Variants in ALDH1A2 observed in about 807,000 individuals in gnomAD.
ALDH1A2 encodes aldehyde dehydrogenase 1 family member A2.
In ALDH1A2, 27 loss-of-function variants were observed where a neutral mutation model predicts 60.3. That is an observed-to-expected ratio of 0.45 (90% CI 0.33 to 0.62). ALDH1A2 has a LOEUF of 0.62. Among genes scored for constraint, ALDH1A2 ranks in the 20% least tolerant of loss-of-function variants. The probability of loss-of-function intolerance (pLI) is 0.02; values close to 1 mark genes in which losing one functional copy is unlikely to be tolerated. For missense variants in ALDH1A2, 581 were observed against 643.8 expected (o/e 0.90, Z 1.06); for synonymous variants, 289 against 232.4 (o/e 1.24, Z -2.21).
At chr15:58,035,184 C>A (rs1188651710) in intron 1 of ALDH1A2, among the ~76,000 whole-genome samples, 3 of 151,570 alleles carry the variant, frequency 2.0e-5, no homozygotes, top group African/African-American at 7.3e-5. Context: ...TGGTAGAATG[C>A]ATCTTTCAAT....
chr15:58,000,870 T>G (rs1895242687), intron 4 of ALDH1A2, among the ~76,000 whole-genome samples: 1 of 151,574 alleles, frequency 6.6e-6, no homozygotes, highest in African/African-American at 2.4e-5. Flanking sequence ...AGATCAGGAG[T>G]GTAAAGGGGA....
intron 12 of ALDH1A2, among the ~76,000 whole-genome samples, chr15:57,958,262 A>T (rs1168556949): frequency 1.3e-5 from 2 of 150,584 alleles, no homozygotes; most frequent in Non-Finnish European, 3.0e-5. Flanking sequence ...GTATCTAACA[A>T]TGCTTCTCAT....
At chr15:58,026,456 A>C (rs1340595410) in intron 1 of ALDH1A2, among the ~76,000 whole-genome samples, 1 of 152,200 alleles carries the variant, frequency 6.6e-6, no homozygotes, top group African/African-American at 2.4e-5. Flanking sequence ...AGGTGAACAC[A>C]GAAGACAGGT....
At chr15:57,960,717 T>TGCTGATATTTGCAATCTATTTCTCTGCAG in intron 12 of ALDH1A2, 53 bp downstream of exon 12, 2 of 1,464,218 alleles carry the variant, frequency 1.4e-6, no homozygotes, top group Non-Finnish European at 1.9e-6. Context: ...TACTGCTCTG[T>TGCTGATATTTGCAATCTATTTCTCTGCAG]GCTGATATTT....
chr15:58,049,767 A>C (rs1187529650), intron 1 of ALDH1A2, among the ~76,000 whole-genome samples: 2 of 152,112 alleles, frequency 1.3e-5, no homozygotes, highest in African/African-American at 4.8e-5. Context: ...AGAGGGTCTG[A>C]ACAGCGGTGT....
At chr15:57,981,198 A>G (rs1210079522) in intron 7 of ALDH1A2, among the ~76,000 whole-genome samples, 2 of 151,956 alleles carry the variant, frequency 1.3e-5, no homozygotes, top group Admixed American at 6.6e-5. Flanking sequence ...TAAATCTAGT[A>G]CACTATTTTA....
At chr15:58,059,433 T>C (rs180717427) in intron 1 of ALDH1A2, among the ~76,000 whole-genome samples, 1 of 152,214 alleles carries the variant, frequency 6.6e-6, no homozygotes, top group Non-Finnish European at 1.5e-5. Context: ...TCTTGGACAG[T>C]CAGGACTAGT....
intron 3 of ALDH1A2, among the ~76,000 whole-genome samples, 187 bp downstream of exon 3, chr15:58,013,671 G>T (rs1262115863): frequency 6.6e-6 from 1 of 152,172 alleles, no homozygotes; most frequent in Non-Finnish European, 1.5e-5. Flanking sequence ...AGAATCGCTT[G>T]TACCTGGGAG....
At position 58,010,699 on chromosome 15, in the gene ALDH1A2, C is replaced by A; in HGVS notation, c.443G>T (p.Arg148Leu). 1 of 1,613,488 alleles carries A rather than the reference C, an allele frequency of 6.2e-7. No individual in the cohort carries two copies. Among genetic ancestry groups the A allele is most frequent in the Non-Finnish European group, 8.5e-7 (1 of 1,179,550 alleles). The part of the protein sequence containing the change: ...VDLQGVIKTF[R>L]YYAGWADKIH... ...TTTATCAGCCCAGCCTGCGTAATAT[C>A]GAAAGGTTTTGATGACGCCCTGCAA... Residue 148 changes from arginine to leucine, a missense_variant, in exon 4 of 13, where the codon CGA becomes CTA. Around this residue, in one of 2 missense-constraint regions of ALDH1A2, gnomAD observed 375 missense variants for 469.7 expected, o/e 0.80. Coordinates refer to ENST00000249750, the MANE Select transcript of ALDH1A2 (RefSeq NM_003888.4).
intron 1 of ALDH1A2, among the ~76,000 whole-genome samples, chr15:58,062,630 G>A (rs1379730300): frequency 1.3e-5 from 2 of 152,254 alleles, no homozygotes; most frequent in East Asian, 3.9e-4. Flanking sequence ...CATTCTCTTG[G>A]TACCAAATTG....
chr15:58,008,928 TC>T (rs1174310782), intron 4 of ALDH1A2, among the ~76,000 whole-genome samples: 1 of 152,068 alleles, frequency 6.6e-6, no homozygotes, highest in Non-Finnish European at 1.5e-5. Context: ...AAACAGCTGT[TC>T]TGTAATATCC....
chr15:58,000,630 TAAA>T (rs1431844377), intron 4 of ALDH1A2, among the ~76,000 whole-genome samples: 2 of 151,960 alleles, frequency 1.3e-5, no homozygotes, highest in Non-Finnish European at 2.9e-5. Flanking sequence ...GAATTAAAAT[TAAA>T]AAAGTTTACT....
At chr15:57,977,804 C>A (rs1340316950) in intron 7 of ALDH1A2, among the ~76,000 whole-genome samples, 2 of 152,004 alleles carry the variant, frequency 1.3e-5, no homozygotes, top group African/African-American at 4.8e-5. Flanking sequence ...TTACTTTGGG[C>A]AGTATGGCCA....
At chr15:57,992,188 G>A (rs1048983104) in intron 7 of ALDH1A2, among the ~76,000 whole-genome samples, 8 of 152,180 alleles carry the variant, frequency 5.3e-5, no homozygotes, top group Admixed American at 3.9e-4. Context: ...ACTATGGCAT[G>A]GCTGAGTAGT....
At chr15:58,043,075 T>C (rs1351198044) in intron 1 of ALDH1A2, among the ~76,000 whole-genome samples, 4 of 151,938 alleles carry the variant, frequency 2.6e-5, no homozygotes, top group Non-Finnish European at 5.9e-5. Context: ...GTTTTAGTCC[T>C]GGTTTCATGC....
intron 1 of ALDH1A2, among the ~76,000 whole-genome samples, chr15:58,049,773 G>A (rs566852743): frequency 7.2e-5 from 11 of 152,180 alleles, no homozygotes; most frequent in East Asian, 1.9e-4. Context: ...TCTGAACAGC[G>A]GTGTGGGAAA....
chr15:58,021,056 A>T (rs1441127699), intron 1 of ALDH1A2, among the ~76,000 whole-genome samples: 10 of 152,202 alleles, frequency 6.6e-5, no homozygotes, highest in Non-Finnish European at 1.5e-5. Context: ...ATAGCTACCC[A>T]AGCCTTTCTC....
intron 1 of ALDH1A2, among the ~76,000 whole-genome samples, chr15:58,015,877 G>C (rs901567829): frequency 1.3e-5 from 2 of 152,130 alleles, no homozygotes; most frequent in African/African-American, 2.4e-5. Flanking sequence ...TATTGGTCTG[G>C]TTCTCTTTTC....
intron 9 of ALDH1A2, among the ~76,000 whole-genome samples, chr15:57,962,868 T>C (rs151292047): frequency 1.3e-5 from 2 of 152,324 alleles, no homozygotes; most frequent in East Asian, 1.9e-4. Flanking sequence ...GTGACCCATA[T>C]AAGAGCTGGT....
Sources: allele counts gnomAD v4.1 joint callset (sites outside exome capture counted in the v4.1 genomes callset), GRCh38; gene constraint gnomAD v4.1.1; regional missense constraint gnomAD v4.1.1; transcripts MANE v1.5; gene names NCBI Gene and HGNC (gene_info 2026-07-23, HGNC 2026-07-21).